Variants in RAD51B observed in about 807,000 individuals in gnomAD.
RAD51B encodes RAD51 paralog B.
Under a neutral mutation model 42.2 loss-of-function variants are expected in RAD51B, and 38 were observed. The observed-to-expected ratio is 0.90, with a 90% CI of 0.70 to 1.18. The LOEUF (loss-of-function observed/expected upper bound fraction) is 1.18, where lower values mean the gene tolerates loss of function less well. Ranked by LOEUF, RAD51B falls within the 50% of genes most tolerant of loss-of-function variation. The pLI, the probability that RAD51B is intolerant of heterozygous loss-of-function variation, is 0.00. For missense variants in RAD51B, 373 were observed against 400.7 expected (o/e 0.93, Z 0.59); for synonymous variants, 154 against 145.2 (o/e 1.06, Z -0.43).
At chr14:68,408,709 A>G (rs1305533381) in intron 8 of RAD51B, among the ~76,000 whole-genome samples, 1 of 152,240 alleles carries the variant, frequency 6.6e-6, no homozygotes, top group East Asian at 1.9e-4. Context: ...ATTGCGCTTT[A>G]AAGTTAGCGC....
Position 67,846,837 on chromosome 14 carries a change from A to G in RAD51B, c.315+11641A>G, listed in dbSNP as rs959672558. On this transcript the variant is annotated intron_variant, in intron 4 of 10. Transcript: ENST00000471583. Reference sequence around the variant, plus strand: ...AGGAGAGCATGGTGAGCCTTGGGAGATGGACAACCCTGGTTGTGCTCCACT... The same window carrying G: ...AGGAGAGCATGGTGAGCCTTGGGAGGTGGACAACCCTGGTTGTGCTCCACT... Among the ~76,000 whole-genome samples, 61 of 152,062 alleles carry G rather than the reference A, an allele frequency of 4.0e-4. 1 individual carries two copies. Among genetic ancestry groups the G allele is most frequent in the Non-Finnish European group, 2.1e-4 (14 of 68,002 alleles).
At chr14:67,988,584 A>G (rs956082190) in intron 7 of RAD51B, among the ~76,000 whole-genome samples, 4 of 152,192 alleles carry the variant, frequency 2.6e-5, no homozygotes, top group Non-Finnish European at 5.9e-5. Flanking sequence ...TTTCACAGAC[A>G]TGGCTTGAGA....
At chr14:68,196,615 C>T (rs1030391138) in intron 7 of RAD51B, among the ~76,000 whole-genome samples, 1 of 152,002 alleles carries the variant, frequency 6.6e-6, no homozygotes, top group Non-Finnish European at 1.5e-5. Flanking sequence ...ATTCCTCTTC[C>T]TCCTCTTTTT....
intron 8 of RAD51B, among the ~76,000 whole-genome samples, chr14:68,357,224 A>G (rs1175924677): frequency 2.0e-5 from 3 of 152,188 alleles, no homozygotes; most frequent in Non-Finnish European, 4.4e-5. Flanking sequence ...AGTAGATTCC[A>G]TCTCAAGAGA....
At chr14:68,552,537 A>T (rs1888631119) in intron 10 of RAD51B, among the ~76,000 whole-genome samples, 2 of 152,194 alleles carry the variant, frequency 1.3e-5, no homozygotes, top group South Asian at 4.1e-4. Context: ...CATTAAATAG[A>T]TTTAAAAGAC....
At chr14:67,968,038 G>A (rs10146189) in intron 7 of RAD51B, among the ~76,000 whole-genome samples, 10,801 of 152,258 alleles carry the variant, frequency 0.071, 946 homozygotes, top group African/African-American at 0.21. Context: ...CTTGACTTCT[G>A]TGCACCTGCA....
At chr14:68,526,006 G>A (rs1018403529) in intron 10 of RAD51B, among the ~76,000 whole-genome samples, 5 of 152,164 alleles carry the variant, frequency 3.3e-5, no homozygotes, top group African/African-American at 1.2e-4. Context: ...CTGAGGCTCT[G>A]GTTCAGGTTC....
chr14:68,360,596 T>C (rs942306776), intron 8 of RAD51B, among the ~76,000 whole-genome samples: 2 of 152,250 alleles, frequency 1.3e-5, no homozygotes, highest in Non-Finnish European at 2.9e-5. Context: ...GTATATGATA[T>C]TGTCTCCTTT....
At chr14:68,021,880 A>G (rs2075872726) in intron 7 of RAD51B, among the ~76,000 whole-genome samples, 1 of 152,234 alleles carries the variant, frequency 6.6e-6, no homozygotes. Flanking sequence ...AATGAGTTGT[A>G]ATCTTTTTGC....
chr14:68,534,563 G>T (rs1887498219), intron 10 of RAD51B, among the ~76,000 whole-genome samples: 1 of 152,144 alleles, frequency 6.6e-6, no homozygotes, highest in Admixed American at 6.6e-5. Flanking sequence ...ACTTTTGGGT[G>T]CTATGGGGAA....
chr14:68,412,311 A>G (rs1360946754), intron 9 of RAD51B, among the ~76,000 whole-genome samples: 1 of 152,242 alleles, frequency 6.6e-6, no homozygotes, highest in African/African-American at 2.4e-5. Context: ...AGCAGGAGGA[A>G]GAAGACGGGT....
rs78930987 is a variant in RAD51B, at chr14:68,322,498, C to G, written c.853+30518C>G. On this transcript the variant is annotated intron_variant, in intron 8 of 10. Coordinates refer to ENST00000471583, the MANE Select transcript of RAD51B (RefSeq NM_133510.4). ...TAATACTAGGTTTTTATTTAAAAAG[C>G]CTTTCTCTCATTCATAAGCTTCTTT... 9.2e-5 allele frequency among the ~76,000 whole-genome samples: 14 copies of G among 152,280 alleles called. 1 individual carries two copies. The South Asian group carries it at 2.1e-3, about 23-fold the overall frequency.
intron 5 of RAD51B, among the ~76,000 whole-genome samples, chr14:67,880,231 A>G (rs1474785473): frequency 6.6e-6 from 1 of 152,226 alleles, no homozygotes; most frequent in Non-Finnish European, 1.5e-5. Context: ...CTTGAATTTT[A>G]TCATTGGCAA....
intron 9 of RAD51B, among the ~76,000 whole-genome samples, chr14:68,435,494 T>G (rs1007936676): frequency 1.1e-4 from 10 of 93,902 alleles, no homozygotes; most frequent in East Asian, 6.8e-4. Flanking sequence ...GGTTTTTGGT[T>G]TTTTTTTTTT....
chr14:67,992,337 A>T (rs1295263393), intron 7 of RAD51B, among the ~76,000 whole-genome samples: 1 of 152,194 alleles, frequency 6.6e-6, no homozygotes, highest in East Asian at 1.9e-4. Context: ...TGTTACATGA[A>T]GATGGATTTT....
At chr14:68,274,002 G>T (rs1280223176) in intron 7 of RAD51B, among the ~76,000 whole-genome samples, 5 of 152,028 alleles carry the variant, frequency 3.3e-5, no homozygotes, top group Non-Finnish European at 5.9e-5. Flanking sequence ...CTGAAAACCA[G>T]TTTCTTGCCC....
At chr14:68,599,265 C>T (rs983847665), downstream of RAD51B, among the ~76,000 whole-genome samples, 5 of 152,202 alleles carry the variant, frequency 3.3e-5, no homozygotes, top group African/African-American at 7.2e-5. Flanking sequence ...AAACATACTA[C>T]GTGCTGGACG....
intron 7 of RAD51B, among the ~76,000 whole-genome samples, chr14:68,018,971 G>A (rs1246986236): frequency 2.0e-5 from 3 of 152,258 alleles, no homozygotes; most frequent in Non-Finnish European, 4.4e-5. Context: ...TTGTGGAGTT[G>A]CTGAGAGGAT....
chr14:68,204,114 C>T (rs1037816354), intron 7 of RAD51B, among the ~76,000 whole-genome samples: 5 of 152,230 alleles, frequency 3.3e-5, no homozygotes, highest in African/African-American at 1.2e-4. Context: ...CTGTTTGGCA[C>T]AAGAGGCCTA....
Sources: gnomAD v4.1 joint callset for allele counts (sites outside exome capture counted in the v4.1 genomes callset) on GRCh38, gnomAD v4.1.1 for gene constraint, MANE v1.5 for transcripts, NCBI Gene and HGNC (gene_info 2026-07-23, HGNC 2026-07-21) for gene names.